Variants in TAFA4 observed in about 807,000 individuals in gnomAD.
The protein encoded by TAFA4 is TAFA chemokine like family member 4.
Under a neutral mutation model 21.1 loss-of-function variants are expected in TAFA4, and 20 were observed. That is an observed-to-expected ratio of 0.95 (90% confidence interval 0.67 to 1.38). The LOEUF (loss-of-function observed/expected upper bound fraction) is 1.38. Ranked by LOEUF, TAFA4 falls within the 40% of genes most tolerant of loss-of-function variation. The pLI is 0.00. For synonymous variants in TAFA4, 71 were observed against 67.4 expected, an observed-to-expected ratio of 1.05 and a Z score of -0.26; for missense variants, 211 against 180.9, an observed-to-expected ratio of 1.17 and a Z score of -0.95.
chr3:68,819,282 A>ATT (rs1455174346), intron 3 of TAFA4, among the ~76,000 whole-genome samples: 25 of 150,162 alleles, frequency 1.7e-4, no homozygotes, highest in Non-Finnish European at 1.6e-4. Flanking sequence ...ATTAAAAAAA[A>ATT]AAAAAAAAAA....
chr3:68,931,653 C>G (rs1487938744), intron 1 of TAFA4, among the ~76,000 whole-genome samples: 1 of 152,160 alleles, frequency 6.6e-6, no homozygotes, highest in East Asian at 1.9e-4. Context: ...GACGCAACTT[C>G]CAGACCCGCT....
chr3:68,806,810 G>T (rs867209256), intron 3 of TAFA4, among the ~76,000 whole-genome samples: 4 of 152,096 alleles, frequency 2.6e-5, no homozygotes, highest in African/African-American at 9.7e-5. Flanking sequence ...TCTGCAGTCT[G>T]CCACCTAAAA....
intron 3 of TAFA4, among the ~76,000 whole-genome samples, chr3:68,822,734 A>G (rs563453476): frequency 6.6e-6 from 1 of 152,288 alleles, no homozygotes; most frequent in Non-Finnish European, 1.5e-5. Flanking sequence ...AGCCTCCCAA[A>G]GTGCCAGGAT....
intron 3 of TAFA4, among the ~76,000 whole-genome samples, chr3:68,799,375 G>T (rs534560646): frequency 6.6e-6 from 1 of 151,952 alleles, no homozygotes. Context: ...CTTTCATAAG[G>T]GTACTCATCC....
chr3:68,918,124 G>GAC (rs1257757197), intron 1 of TAFA4, among the ~76,000 whole-genome samples: 6 of 95,542 alleles, frequency 6.3e-5, no homozygotes, highest in South Asian at 3.0e-4. Context: ...GAGGAAGCCA[G>GAC]ACACACATAC....
intron 1 of TAFA4, among the ~76,000 whole-genome samples, chr3:68,920,737 C>T (rs933112679): frequency 6.6e-6 from 1 of 151,476 alleles, no homozygotes; most frequent in Non-Finnish European, 1.5e-5. Flanking sequence ...CACCACTATC[C>T]CCTACAATGC....
intron 3 of TAFA4, among the ~76,000 whole-genome samples, chr3:68,807,435 T>C (rs897508164): frequency 2.6e-5 from 4 of 152,122 alleles, no homozygotes; most frequent in Admixed American, 6.6e-5. Flanking sequence ...TGGCCACAAG[T>C]AGACATTTTT....
At chr3:68,810,302 C>T (rs146229154) in intron 3 of TAFA4, among the ~76,000 whole-genome samples, 3,472 of 152,188 alleles carry the variant, frequency 0.023, 133 homozygotes, top group African/African-American at 0.08. Flanking sequence ...GTTCATCTCA[C>T]TGGGGAGTGT....
intron 3 of TAFA4, among the ~76,000 whole-genome samples, chr3:68,816,079 A>C (rs2106854012): frequency 6.6e-6 from 1 of 152,176 alleles, no homozygotes. Context: ...AAAACCAAAC[A>C]CCGCATGTTC....
At chr3:68,924,323 G>T (rs1365313398) in intron 1 of TAFA4, among the ~76,000 whole-genome samples, 2 of 152,206 alleles carry the variant, frequency 1.3e-5, no homozygotes, top group African/African-American at 4.8e-5. Flanking sequence ...TCTGACACAT[G>T]CTACAACATG....
intron 3 of TAFA4, among the ~76,000 whole-genome samples, chr3:68,828,891 C>T (rs777098754): frequency 5.9e-5 from 9 of 152,124 alleles, no homozygotes; most frequent in Non-Finnish European, 8.8e-5. Context: ...CCTGATTACC[C>T]TGGCCAGAAC....
Position 68,809,258 on chromosome 3 carries a change from A to C in TAFA4, c.131-56240T>G, listed in dbSNP as rs138215297. ...CTTACACATTTTAAAGTACAGATCA[A>C]AACAATGAAAGCACAGAATCAATCA... On this transcript the variant is annotated intron_variant, in intron 3 of 5. Transcript: ENST00000295569. 2.9e-3 allele frequency among the ~76,000 whole-genome samples: 448 copies of C among 152,320 alleles called. 2 individuals carry two copies. Among genetic ancestry groups the C allele is most frequent in the African/African-American group, 0.01 (427 of 41,578 alleles).
intron 3 of TAFA4, among the ~76,000 whole-genome samples, chr3:68,791,979 T>G (rs1382409402): frequency 6.6e-6 from 1 of 152,186 alleles, no homozygotes; most frequent in East Asian, 1.9e-4. Flanking sequence ...GGCAGAGATT[T>G]AGATTCTAAA....
intron 3 of TAFA4, among the ~76,000 whole-genome samples, chr3:68,808,804 G>A (rs529795612): frequency 6.6e-6 from 1 of 152,130 alleles, no homozygotes; most frequent in Non-Finnish European, 1.5e-5. Flanking sequence ...CACAACAAGG[G>A]TTTACTTCTG....
chr3:68,819,204 A>G (rs1386840287), intron 3 of TAFA4, among the ~76,000 whole-genome samples: 4 of 140,690 alleles, frequency 2.8e-5, no homozygotes, highest in Admixed American at 7.5e-5. Flanking sequence ...CTGGAGGCGG[A>G]GGTTGCAGTG....
At chr3:68,792,698 G>A (rs866320650) in intron 3 of TAFA4, among the ~76,000 whole-genome samples, 6 of 151,996 alleles carry the variant, frequency 3.9e-5, no homozygotes, top group African/African-American at 9.7e-5. Flanking sequence ...ATTGGTCTGC[G>A]GTTGCACATG....
At chr3:68,873,343 C>T (rs1443432857) in intron 3 of TAFA4, among the ~76,000 whole-genome samples, 2 of 111,270 alleles carry the variant, frequency 1.8e-5, no homozygotes, top group African/African-American at 3.2e-5. Flanking sequence ...GACATACACA[C>T]ACACACACAC....
chr3:68,832,330 G>A (rs149685190), intron 3 of TAFA4, among the ~76,000 whole-genome samples: 1 of 152,236 alleles, frequency 6.6e-6, no homozygotes, highest in African/African-American at 2.4e-5. Flanking sequence ...TCTACCTTTG[G>A]TCTTTGATGT....
At chr3:68,856,073 A>G (rs1705062930) in intron 3 of TAFA4, among the ~76,000 whole-genome samples, 1 of 152,054 alleles carries the variant, frequency 6.6e-6, no homozygotes, top group African/African-American at 2.4e-5. Context: ...GTTCTGGACT[A>G]CCCGTCCAGA....
Sources: gnomAD v4.1 joint callset for allele counts (sites outside exome capture counted in the v4.1 genomes callset) on GRCh38, gnomAD v4.1.1 for gene constraint, MANE v1.5 for transcripts, NCBI Gene and HGNC (gene_info 2026-07-23, HGNC 2026-07-21) for gene names.